CORO2B: variants seen among roughly 807,000 people sequenced by gnomAD.
CORO2B encodes the protein coronin 2B, also known as coronin-2B.
In CORO2B, 26 loss-of-function variants were observed where a neutral mutation model predicts 58.8. The observed-to-expected ratio is 0.44, with a 90% CI of 0.32 to 0.61. The LOEUF is 0.61. CORO2B is among the 20% of genes least tolerant of loss of function. CORO2B has a pLI of 0.04. For synonymous variants in CORO2B, 242 were observed against 253.8 expected (o/e 0.95, Z 0.44); for missense variants, 460 against 645.1 (o/e 0.71, Z 3.11).
chr15:68,659,804 C>T lies in CORO2B; in HGVS notation c.216+14444C>T, dbSNP rs1415849404. ...CAAAAATTAGCCAGGTGTGGTGGTG[C>T]ACGCCTGTAGTCCCAGCTACTCAGA... On this transcript the variant is annotated intron_variant, in intron 2 of 11. Coordinates refer to ENST00000261861, the MANE Select transcript of CORO2B (RefSeq NM_006091.5). 2.6e-5 allele frequency among the ~76,000 whole-genome samples: 4 copies of T among 152,144 alleles called. No individual in the cohort carries two copies. In the South Asian group the frequency reaches 8.3e-4, roughly 31 times the overall value.
intron 2 of CORO2B, among the ~76,000 whole-genome samples, chr15:68,665,484 T>C (rs1461236175): frequency 6.6e-6 from 1 of 151,328 alleles, no homozygotes; most frequent in Non-Finnish European, 1.5e-5. Context: ...TAATATATAA[T>C]TTTAGGATCT....
At chr15:68,547,494 AT>A in the CORO2B span, among the ~76,000 whole-genome samples, 75 of 152,178 alleles carry the variant, frequency 4.9e-4, no homozygotes, top group Admixed American at 6.5e-4. Flanking sequence ...ATTATGCAGA[AT>A]TTTTTTATGC....
At chr15:68,631,775 C>T (rs148804596) in intron 1 of CORO2B, among the ~76,000 whole-genome samples, 271 of 152,304 alleles carry the variant, frequency 1.8e-3, no homozygotes, top group Non-Finnish European at 3.2e-3. Context: ...TCAGAGACCC[C>T]GTGGGGCCAA....
At chr15:68,560,087 G>A in the CORO2B span, among the ~76,000 whole-genome samples, 5 of 152,212 alleles carry the variant, frequency 3.3e-5, no homozygotes, top group Non-Finnish European at 2.9e-5. Flanking sequence ...ATGGGATGAC[G>A]TGGCCGGGCA....
chr15:68,651,953 GA>G (rs989570784), intron 2 of CORO2B, among the ~76,000 whole-genome samples: 1 of 152,202 alleles, frequency 6.6e-6, no homozygotes, highest in Admixed American at 6.5e-5. Context: ...CAACCGCGAA[GA>G]TGCTTTGCCT....
the CORO2B span, chr15:68,559,705 T>C: frequency 2.2e-6 from 2 of 889,770 alleles, no homozygotes; most frequent in Non-Finnish European, 2.7e-6. The surrounding 1 kb of genome is among the most constrained non-coding windows in gnomAD (Gnocchi z 4.3). Context: ...CTCTCTGGGG[T>C]TCTCCCAGGG....
intron 1 of CORO2B, among the ~76,000 whole-genome samples, chr15:68,595,001 T>C (rs1361078111): frequency 6.6e-6 from 1 of 152,264 alleles, no homozygotes; most frequent in East Asian, 1.9e-4. Context: ...CAGTTCTAGC[T>C]GTCCGTGCAG....
intron 11 of CORO2B, among the ~76,000 whole-genome samples, chr15:68,724,326 C>T (rs1893240164): frequency 2.0e-5 from 3 of 152,352 alleles, no homozygotes; most frequent in African/African-American, 7.2e-5. Context: ...ATGTCTTTCA[C>T]ACAAATCACA....
chr15:68,574,849 G>C (rs1295993751), upstream of CORO2B, among the ~76,000 whole-genome samples: 2 of 152,212 alleles, frequency 1.3e-5, no homozygotes, highest in Admixed American at 1.3e-4. Flanking sequence ...TTTGAAAGAT[G>C]AATAGGAGTT....
chr15:68,724,534 C>T (rs1325450135), intron 11 of CORO2B, among the ~76,000 whole-genome samples: 2 of 152,142 alleles, frequency 1.3e-5, no homozygotes, highest in African/African-American at 2.4e-5. Context: ...AGTCATGCAG[C>T]CACCATCAGC....
the CORO2B span, among the ~76,000 whole-genome samples, chr15:68,541,668 G>A: frequency 1.3e-5 from 2 of 152,304 alleles, no homozygotes; most frequent in African/African-American, 4.8e-5. Context: ...TATGAATTAT[G>A]AGTTTTTTCA....
At chr15:68,559,829 C>G in the CORO2B span, among the ~76,000 whole-genome samples, 1 of 152,222 alleles carries the variant, frequency 6.6e-6, no homozygotes, top group Non-Finnish European at 1.5e-5. The surrounding 1 kb of genome is among the most constrained non-coding windows in gnomAD (Gnocchi z 4.3). Flanking sequence ...CCAGGACCAG[C>G]AGGTCTCCCG....
chr15:68,643,342 G>A (rs1901319491), intron 1 of CORO2B, among the ~76,000 whole-genome samples: 1 of 151,690 alleles, frequency 6.6e-6, no homozygotes, highest in Non-Finnish European at 1.5e-5. Flanking sequence ...GGGGAGGAGA[G>A]GGGAAGGCCT....
At position 68,700,488 on chromosome 15, in the gene CORO2B, A is replaced by G. The variant is rs573060250; in HGVS notation, c.333+5232A>G. 2.6e-5 allele frequency among the ~76,000 whole-genome samples: 4 copies of G among 152,136 alleles called. No homozygotes were observed. In the East Asian group the frequency reaches 7.7e-4, roughly 29 times the overall value. ...CCAGTGAAATCAATCCCCGTCCCCC[A>G]GGATCCGTTTCCCCTCCCTGAGCAG... On this transcript the variant is annotated intron_variant, in intron 3 of 11. Transcript: ENST00000261861.
intron 11 of CORO2B, among the ~76,000 whole-genome samples, chr15:68,724,696 C>CAATTTATATTATATTTCATT (rs1269021013): frequency 6.6e-6 from 1 of 152,144 alleles, no homozygotes; most frequent in African/African-American, 2.4e-5. Flanking sequence ...CTCATTTCAT[C>CAATTTATATTATATTTCATT]AATTTATATT....
chr15:68,661,740 C>T (rs1162040788), intron 2 of CORO2B, among the ~76,000 whole-genome samples: 1 of 152,222 alleles, frequency 6.6e-6, no homozygotes, highest in East Asian at 1.9e-4. Context: ...GGCGTGGTAG[C>T]TCACGCCTGT....
the CORO2B span, among the ~76,000 whole-genome samples, chr15:68,560,745 C>G: frequency 6.6e-6 from 1 of 152,208 alleles, no homozygotes; most frequent in Admixed American, 6.5e-5. Flanking sequence ...TCCCTAGACT[C>G]CTGCCTTTCA....
rs777993575 is a variant in CORO2B, at chr15:68,726,543, C to T, written c.*569C>T. ...GGCTCCTTTCTGTCTCTTCCCTTCCCACCCTCTTGTCTTCAGGGAATTCAG... is the reference window on the plus strand; with the variant it reads ...GGCTCCTTTCTGTCTCTTCCCTTCCTACCCTCTTGTCTTCAGGGAATTCAG... On this transcript the variant is annotated 3_prime_UTR_variant, in exon 12 of 12. Coordinates refer to ENST00000261861, the MANE Select transcript of CORO2B (RefSeq NM_006091.5). The T allele has an allele frequency of 1.3e-5, 2 of 159,670 alleles. No individual in the cohort carries two copies. The highest frequency in any genetic ancestry group is 2.7e-5 in the Non-Finnish European group (2 of 73,032). The allele number at this position is 159,670 out of a possible 1,614,324, so 9.9% of individuals were successfully genotyped here. A position where few individuals can be genotyped will look rare whatever the true frequency, so the allele number is the denominator to read the frequency against.
intron 2 of CORO2B, among the ~76,000 whole-genome samples, chr15:68,691,823 C>T (rs573733322): frequency 2.0e-5 from 3 of 152,016 alleles, no homozygotes; most frequent in Non-Finnish European, 4.4e-5. Context: ...GTGTATCGCC[C>T]GTGGGCTGCT....
Sources: allele counts gnomAD v4.1 joint callset (sites outside exome capture counted in the v4.1 genomes callset), GRCh38; gene constraint gnomAD v4.1.1; non-coding constraint Gnocchi (gnomAD v3.1); transcripts MANE v1.5; gene names NCBI Gene and HGNC (gene_info 2026-07-23, HGNC 2026-07-21).